STRN3: variants seen among roughly 807,000 people sequenced by gnomAD.
STRN3 encodes the protein striatin-3.
In STRN3, 29 loss-of-function variants were observed where a neutral mutation model predicts 95.6. The ratio of observed to expected loss-of-function variants is 0.30; its 90% CI spans 0.23 to 0.41. STRN3 has a LOEUF of 0.41. STRN3 is among the 10% of genes least tolerant of loss of function. The pLI is 1.00. For synonymous variants in STRN3, 331 were observed against 357.6 expected (o/e 0.93, Z 0.84); for missense variants, 890 against 972.1 (o/e 0.92, Z 1.12).
intron 8 of STRN3, among the ~76,000 whole-genome samples, chr14:30,922,961 T>A (rs1458093477): frequency 1.3e-5 from 2 of 152,214 alleles, no homozygotes; most frequent in Non-Finnish European, 2.9e-5. Flanking sequence ...TGTTTGTTTT[T>A]AAAGAATGAA....
intron 1 of STRN3, chr14:31,018,790 C>A (rs1883365141): frequency 4.3e-6 from 2 of 467,616 alleles, no homozygotes; most frequent in Non-Finnish European, 4.2e-6. Context: ...AGAAGCTCAA[C>A]AACTTCAGAA....
chr14:30,900,146 T>G (rs1217105394), intron 16 of STRN3, among the ~76,000 whole-genome samples: 1 of 151,646 alleles, frequency 6.6e-6, no homozygotes, highest in Non-Finnish European at 1.5e-5. Flanking sequence ...TCACCTGAGG[T>G]CAGGAGTTCA....
chr14:30,967,131 C>T (rs1594511763), intron 1 of STRN3, among the ~76,000 whole-genome samples: 1 of 151,828 alleles, frequency 6.6e-6, no homozygotes, highest in African/African-American at 2.4e-5. Context: ...CTGACACAAC[C>T]CCCCACCCCA....
chr14:30,931,105 G>A (rs1878514599), intron 7 of STRN3, among the ~76,000 whole-genome samples: 1 of 152,054 alleles, frequency 6.6e-6, no homozygotes, highest in African/African-American at 2.4e-5. Context: ...ATAAAAAAAG[G>A]ATAAGCTTAA....
intron 8 of STRN3, among the ~76,000 whole-genome samples, chr14:30,923,188 C>G (rs1443301731): frequency 6.6e-6 from 1 of 152,132 alleles, no homozygotes; most frequent in Admixed American, 6.6e-5. Context: ...AGAGTAAGTT[C>G]TTCTTAAATG....
chr14:30,984,516 A>G (rs1408227990), intron 1 of STRN3, among the ~76,000 whole-genome samples: 2 of 152,128 alleles, frequency 1.3e-5, no homozygotes, highest in South Asian at 4.1e-4. Flanking sequence ...ACCACTCATA[A>G]GGATAGCAAC....
At chr14:30,944,552 C>CACATATATATACATGTATATATACAT (rs1566449684) in intron 5 of STRN3, among the ~76,000 whole-genome samples, 1 of 64,020 alleles carries the variant, frequency 1.6e-5, no homozygotes, top group African/African-American at 7.5e-5. Flanking sequence ...TATATATACA[C>CACATATATATACATGTATATATACAT]GTATATATAT....
In STRN3 at chr14:30,976,003, G is replaced by A. The variant is rs548512903; in HGVS notation, c.283-19761C>T. Among the ~76,000 whole-genome samples, 16 of 152,200 alleles carry A rather than the reference G, an allele frequency of 1.1e-4. No homozygotes were observed. In the South Asian group the frequency reaches 3.3e-3, roughly 32 times the overall value. ...CAAACCAGAGAAGGCAGAAAAAGAGGATTATAAACAAAGAACAAGTGCAAA... is the reference window on the plus strand; with the variant it reads ...CAAACCAGAGAAGGCAGAAAAAGAGAATTATAAACAAAGAACAAGTGCAAA... On this transcript the variant is annotated intron_variant, in intron 1 of 17. Coordinates refer to ENST00000357479, the MANE Select transcript of STRN3 (RefSeq NM_001083893.2).
chr14:30,971,887 G>A (rs1290158552), intron 1 of STRN3, among the ~76,000 whole-genome samples: 1 of 152,136 alleles, frequency 6.6e-6, no homozygotes, highest in Admixed American at 6.5e-5. Context: ...GTAAGTAGAT[G>A]CAGAGGCTCA....
intron 5 of STRN3, among the ~76,000 whole-genome samples, chr14:30,939,119 C>T (rs1303487154): frequency 6.6e-6 from 1 of 152,194 alleles, no homozygotes; most frequent in East Asian, 1.9e-4. Flanking sequence ...GTTACACTTA[C>T]ATTTCATTTG....
chr14:30,900,491 G>A (rs1230276146), intron 16 of STRN3, among the ~76,000 whole-genome samples: 1 of 149,816 alleles, frequency 6.7e-6, no homozygotes, highest in African/African-American at 2.5e-5. Flanking sequence ...GCTTACGCCT[G>A]TAATCCCAGA....
chr14:30,978,216 G>A (rs749279666), intron 1 of STRN3, among the ~76,000 whole-genome samples: 14 of 151,982 alleles, frequency 9.2e-5, no homozygotes, highest in Middle Eastern at 3.2e-3. Context: ...AAAGGAAAAC[G>A]ACAAACATAT....
chr14:30,920,110 G>A (rs1328929610), intron 8 of STRN3, among the ~76,000 whole-genome samples: 1 of 152,144 alleles, frequency 6.6e-6, no homozygotes, highest in Non-Finnish European at 1.5e-5. Context: ...CTATTTGAGT[G>A]TAAGTAACTC....
intron 8 of STRN3, among the ~76,000 whole-genome samples, chr14:30,921,792 TAAATA>T (rs2139023272): frequency 6.6e-6 from 1 of 152,328 alleles, no homozygotes; most frequent in Admixed American, 6.5e-5. Flanking sequence ...AAGCACTAAT[TAAATA>T]AAAACTGAAA....
At chr14:30,911,740 G>A (rs746553054) in intron 12 of STRN3, 37 bp downstream of exon 12, 2 of 1,534,884 alleles carry the variant, frequency 1.3e-6, no homozygotes, top group Non-Finnish European at 1.8e-6. Flanking sequence ...TAACAATAAT[G>A]ATGATGTTAA....
intron 1 of STRN3, among the ~76,000 whole-genome samples, chr14:30,964,054 T>TCAACCTGGC (rs1880348331): frequency 6.6e-6 from 1 of 151,948 alleles, no homozygotes; most frequent in Non-Finnish European, 1.5e-5. Flanking sequence ...GAGTTCGAGA[T>TCAACCTGGC]CAACCTGGCC....
chr14:31,014,657 A>C, intron 1 of STRN3: 1 of 454,854 alleles, frequency 2.2e-6, no homozygotes, highest in Non-Finnish European at 4.5e-6. Context: ...ACTTAGGTGT[A>C]ATGCTATCTC....
chr14:30,981,863 G>A (rs533640815), intron 1 of STRN3, among the ~76,000 whole-genome samples: 7 of 152,098 alleles, frequency 4.6e-5, no homozygotes, highest in Non-Finnish European at 8.8e-5. Flanking sequence ...CGGAGGCCAA[G>A]GTAGATGGAT....
chr14:30,975,709 A>T (rs1881067007), intron 1 of STRN3, among the ~76,000 whole-genome samples: 1 of 151,998 alleles, frequency 6.6e-6, no homozygotes. Flanking sequence ...GGCACATGCC[A>T]ATAGTCCCAG....
Sources: allele counts gnomAD v4.1 joint callset (sites outside exome capture counted in the v4.1 genomes callset), GRCh38; gene constraint gnomAD v4.1.1; transcripts MANE v1.5; gene names NCBI Gene and HGNC (gene_info 2026-07-23, HGNC 2026-07-21).